The following ACO1 variants were observed in gnomAD, a reference collection of about 807,000 sequenced individuals.
ACO1 encodes the protein cytoplasmic aconitate hydratase.
In ACO1, 78 loss-of-function variants were observed where a neutral mutation model predicts 105.1. The ratio of observed to expected loss-of-function variants is 0.74; its 90% confidence interval spans 0.62 to 0.90. The LOEUF is 0.90. ACO1 is among the 40% of genes least tolerant of loss of function. The pLI is 0.00. For synonymous variants in ACO1, 364 were observed against 397.4 expected (o/e 0.92, Z 1.00); for missense variants, 965 against 1,111.1 (o/e 0.87, Z 1.87).
intron 7 of ACO1, among the ~76,000 whole-genome samples, chr9:32,419,836 A>C (rs1821930893): frequency 6.6e-6 from 1 of 152,240 alleles, no homozygotes; most frequent in Non-Finnish European, 1.5e-5. Flanking sequence ...GTTTTGTAAA[A>C]AGGCCATTTC....
intron 20 of ACO1, 51 bp downstream of exon 20, chr9:32,449,132 T>A (rs1327216403): frequency 1.3e-6 from 2 of 1,516,470 alleles, no homozygotes; most frequent in Middle Eastern, 4.2e-4. Flanking sequence ...GCCCCCTCGT[T>A]TGTAACCAGT....
Position 32,450,494 on chromosome 9 carries a change from T to TA in ACO1, c.*384dup. The TA allele has an allele frequency of 3.2e-6, 1 of 317,264 alleles. No homozygotes were observed. Among genetic ancestry groups the TA allele is most frequent in the East Asian group, 8.5e-5 (1 of 11,786 alleles). The allele number at this position is 317,264 out of a possible 1,614,324, so 19.7% of individuals were successfully genotyped here. A position where few individuals can be genotyped will look rare whatever the true frequency, so the allele number is the denominator to read the frequency against. On this transcript the variant is annotated 3_prime_UTR_variant, in exon 21 of 21. Coordinates refer to ENST00000309951, the MANE Select transcript of ACO1 (RefSeq NM_002197.3). ...TCTCCTACCCTCTTATTGTTCCTCT[T>TA]ACGCTCTGCTCAATGAAACCTTCCT...
At chr9:32,435,946 TA>T (rs1822346432) in intron 17 of ACO1, 1 of 519,150 alleles carries the variant, frequency 1.9e-6, no homozygotes, top group African/African-American at 1.9e-5. Context: ...CTTTATAGGC[TA>T]CCCTACTAAC....
At chr9:32,387,235 G>T (rs1821173989) in intron 1 of ACO1, among the ~76,000 whole-genome samples, 1 of 152,078 alleles carries the variant, frequency 6.6e-6, no homozygotes, top group Non-Finnish European at 1.5e-5. Flanking sequence ...ACTTTCTCTG[G>T]GTCTCAGTGT....
chr9:32,427,933 TC>T (rs1309194971), intron 12 of ACO1, among the ~76,000 whole-genome samples: 1 of 152,176 alleles, frequency 6.6e-6, no homozygotes, highest in African/African-American at 2.4e-5. Context: ...ATAAGTTTTT[TC>T]CTATTTTTGA....
chr9:32,410,630 C>T (rs1821717868), intron 4 of ACO1, among the ~76,000 whole-genome samples: 1 of 151,938 alleles, frequency 6.6e-6, no homozygotes, highest in South Asian at 2.1e-4. Context: ...CCCTTTGGCT[C>T]AAAATGGTAA....
intron 12 of ACO1, among the ~76,000 whole-genome samples, chr9:32,428,715 G>T (rs773574589): frequency 3.9e-5 from 6 of 151,996 alleles, no homozygotes; most frequent in Non-Finnish European, 8.8e-5. Context: ...GTGGTGGCGG[G>T]CACCTGTAAT....
At chr9:32,425,778 G>GATACATGT in intron 10 of ACO1, 60 bp from the exon 11 acceptor site, 1 of 1,229,266 alleles carries the variant, frequency 8.1e-7, no homozygotes, top group Non-Finnish European at 1.1e-6. Flanking sequence ...CCTCTAGCCA[G>GATACATGT]ATACATGTAT....
chr9:32,420,356 A>G (rs1051670709), intron 7 of ACO1, among the ~76,000 whole-genome samples: 2 of 152,234 alleles, frequency 1.3e-5, no homozygotes, highest in Non-Finnish European at 1.5e-5. Flanking sequence ...GACGCTTCCA[A>G]TGATCTCATT....
At chr9:32,446,931 G>T (rs1822623058) in intron 19 of ACO1, among the ~76,000 whole-genome samples, 1 of 152,162 alleles carries the variant, frequency 6.6e-6, no homozygotes, top group Non-Finnish European at 1.5e-5. Context: ...GGCTTGTAGG[G>T]TGTCTGTAGA....
chr9:32,445,692 T>C (rs1157039019), intron 19 of ACO1: 3 of 233,966 alleles, frequency 1.3e-5, no homozygotes, highest in African/African-American at 7.1e-5. Flanking sequence ...TCTAGTTCTT[T>C]TAACTGTGAT....
rs552755171 is a variant in ACO1 at position 32,419,270 on chromosome 9, A to G, written c.798+93A>G. 13 of 1,358,910 alleles carry G rather than the reference A, an allele frequency of 9.6e-6. No homozygotes were observed. The African/African-American group carries it at 1.9e-4, about 20-fold the overall frequency. 84.2% of individuals were successfully genotyped at this position (1,358,910 alleles called of 1,614,324 possible). A position where few individuals can be genotyped will look rare whatever the true frequency, so the allele number is the denominator to read the frequency against. On this transcript the variant is annotated intron_variant, in intron 7 of 20. Coordinates refer to ENST00000309951, the MANE Select transcript of ACO1 (RefSeq NM_002197.3). ...CATAATGGAATCTTGTTTGGTTTCC[A>G]AGTGCTCTAGCAATGCAAGGAAACA...
At position 32,421,026 on chromosome 9, in the gene ACO1, A is replaced by C. The variant is rs1386512053; in HGVS notation, c.969A>C (p.Thr323=). The stretch of plus-strand genomic sequence containing the variant: ...TTAGTATCACGTACCTGGTGCAAAC[A>C]GGTAAGTGAAGGGCCCTGAAAGCAT... ...DEVSITYLVQ[T]GRDEEKLKYI... The change falls in exon 8 of 21, where the codon ACA becomes ACC. Residue 323 remains threonine (T), a splice_region_variant and synonymous_variant. Transcript: ENST00000309951. 7 of 1,613,620 alleles carry C rather than the reference A, an allele frequency of 4.3e-6. No individual in the cohort carries two copies. Among genetic ancestry groups the C allele is most frequent in the Non-Finnish European group, 5.9e-6 (7 of 1,179,610 alleles).
Position 32,423,046 on chromosome 9 carries a change from C to T in ACO1, c.971-273C>T, listed in dbSNP as rs143000059. 2.4e-4 allele frequency among the ~76,000 whole-genome samples: 36 copies of T among 152,244 alleles called. No individual in the cohort carries two copies. The East Asian group carries it at 5.0e-3, about 21-fold the overall frequency. ...ATTAAAGGCTATACCCCAAAAGAGGCGGGTTATCTATAGATAGAACCAGAA... is the reference window on the plus strand; with the variant it reads ...ATTAAAGGCTATACCCCAAAAGAGGTGGGTTATCTATAGATAGAACCAGAA... On this transcript the variant is annotated intron_variant, in intron 8 of 20. Transcript: ENST00000309951.
intron 14 of ACO1, 77 bp downstream of exon 14, chr9:32,430,651 A>C: frequency 6.8e-7 from 1 of 1,463,768 alleles, no homozygotes; most frequent in Non-Finnish European, 9.2e-7. Flanking sequence ...GCTTTCCTTA[A>C]TAAGAAATGA....
chr9:32,414,874 C>A (rs1043308308), intron 4 of ACO1, among the ~76,000 whole-genome samples: 1 of 152,050 alleles, frequency 6.6e-6, no homozygotes, highest in Non-Finnish European at 1.5e-5. Context: ...ATTCCAGAAA[C>A]AGATTATAGT....
At chr9:32,447,680 T>C (rs541362506) in intron 19 of ACO1, among the ~76,000 whole-genome samples, 1 of 152,378 alleles carries the variant, frequency 6.6e-6, no homozygotes, top group South Asian at 2.1e-4. Context: ...GTTTTTGTGC[T>C]GGTTTCTCCC....
intron 4 of ACO1, among the ~76,000 whole-genome samples, chr9:32,414,693 A>C (rs1202408668): frequency 2.0e-5 from 3 of 152,220 alleles, no homozygotes; most frequent in African/African-American, 7.2e-5. Flanking sequence ...GATCAGGGAC[A>C]ATGACTAGGA....
In ACO1 at chr9:32,451,778, A is replaced by C. The variant is rs1234109460; in HGVS notation, c.*1667A>C. ...TCATTTAAAAAATAAATTACAAACA[A>C]ACAGCCAGGCGCAGTGGCTCATGCC... On this transcript the variant is annotated 3_prime_UTR_variant, in exon 21 of 21. Transcript: ENST00000309951. The C allele has an allele frequency of 6.6e-6, 1 of 152,100 alleles. No homozygotes were observed. The highest frequency in any genetic ancestry group is 1.9e-4 in the East Asian group (1 of 5,188). The allele number at this position is 152,100 out of a possible 1,614,324, so 9.4% of individuals were successfully genotyped here. A position where few individuals can be genotyped will look rare whatever the true frequency, so the allele number is the denominator to read the frequency against.
Sources: allele counts gnomAD v4.1 joint callset (sites outside exome capture counted in the v4.1 genomes callset), GRCh38; gene constraint gnomAD v4.1.1; transcripts MANE v1.5; gene names NCBI Gene and HGNC (gene_info 2026-07-23, HGNC 2026-07-21).